KCNJ6: variants seen among roughly 807,000 people sequenced by gnomAD.
KCNJ6 encodes potassium inwardly rectifying channel subfamily J member 6, also known as G protein-activated inward rectifier potassium channel 2.
In KCNJ6, 9 loss-of-function variants were observed where a neutral mutation model predicts 34.2. The observed-to-expected ratio is 0.26, with a 90% CI of 0.16 to 0.46. KCNJ6 has a LOEUF of 0.46. Among genes scored for constraint, KCNJ6 ranks in the 20% least tolerant of loss-of-function variants. KCNJ6 has a pLI of 1.00. For missense variants in KCNJ6, 236 were observed against 531.3 expected, an observed-to-expected ratio of 0.44 and a Z score of 5.46; for synonymous variants, 196 against 207.1, an observed-to-expected ratio of 0.95 and a Z score of 0.46.
intron 2 of KCNJ6, among the ~76,000 whole-genome samples, chr21:37,778,312 A>C (rs1019902542): frequency 1.3e-5 from 2 of 152,042 alleles, no homozygotes; most frequent in African/African-American, 4.8e-5. Flanking sequence ...CCATAACCTG[A>C]CTTTTGAGTC....
At chr21:37,843,462 G>T (rs954276090) in intron 1 of KCNJ6, among the ~76,000 whole-genome samples, 2 of 152,106 alleles carry the variant, frequency 1.3e-5, no homozygotes, top group African/African-American at 4.8e-5. Context: ...TCTATTGGAT[G>T]TCTCTAAACT....
intron 2 of KCNJ6, among the ~76,000 whole-genome samples, chr21:37,744,219 G>GAGTT (rs2054955589): frequency 6.6e-6 from 1 of 150,950 alleles, no homozygotes; most frequent in Non-Finnish European, 1.5e-5. Flanking sequence ...GCTAAATGAC[G>GAGTT]AGTTAATGGG....
intron 3 of KCNJ6, among the ~76,000 whole-genome samples, chr21:37,694,635 C>T (rs2054656039): frequency 6.6e-6 from 1 of 152,118 alleles, no homozygotes; most frequent in Non-Finnish European, 1.5e-5. Flanking sequence ...AACATTGTGT[C>T]CCTTTATTAT....
At chr21:37,896,887 A>AG (rs774108389) in intron 1 of KCNJ6, among the ~76,000 whole-genome samples, 2 of 152,224 alleles carry the variant, frequency 1.3e-5, no homozygotes, top group Admixed American at 6.5e-5. Flanking sequence ...GGTTTGCTTC[A>AG]GAAAAGGCAC....
intron 1 of KCNJ6, among the ~76,000 whole-genome samples, chr21:37,856,038 C>T (rs2055563525): frequency 1.3e-5 from 2 of 152,130 alleles, no homozygotes; most frequent in African/African-American, 2.4e-5. Context: ...TTTCCCAAGG[C>T]TTTATCCTCC....
intron 2 of KCNJ6, among the ~76,000 whole-genome samples, chr21:37,819,215 T>C (rs2055362317): frequency 6.6e-6 from 1 of 151,052 alleles, no homozygotes; most frequent in Non-Finnish European, 1.5e-5. Context: ...CTCTTTCAAC[T>C]TGATGAACTG....
At chr21:37,629,635 C>G (rs2054325389) in intron 3 of KCNJ6, among the ~76,000 whole-genome samples, 1 of 152,134 alleles carries the variant, frequency 6.6e-6, no homozygotes, top group Non-Finnish European at 1.5e-5. Flanking sequence ...GGAGAGGGGT[C>G]TCAGAAGAAC....
chr21:37,704,968 TCA>T (rs912640017), intron 3 of KCNJ6, among the ~76,000 whole-genome samples: 7 of 152,182 alleles, frequency 4.6e-5, no homozygotes, highest in African/African-American at 1.4e-4. Flanking sequence ...ACTGGCACAG[TCA>T]CCTGATAACA....
chr21:37,766,863 C>T (rs564074315), intron 2 of KCNJ6, among the ~76,000 whole-genome samples: 10 of 152,268 alleles, frequency 6.6e-5, no homozygotes, highest in East Asian at 5.8e-4. Context: ...TACAGAAGCA[C>T]GAACCCTACT....
At chr21:37,758,064 G>T (rs2055040209) in intron 2 of KCNJ6, among the ~76,000 whole-genome samples, 2 of 152,168 alleles carry the variant, frequency 1.3e-5, no homozygotes, top group Non-Finnish European at 2.9e-5. Flanking sequence ...GGAGACCCTG[G>T]GCCTGGTTTA....
At chr21:37,793,260 A>G (rs1451944947) in intron 2 of KCNJ6, among the ~76,000 whole-genome samples, 1 of 152,174 alleles carries the variant, frequency 6.6e-6, no homozygotes, top group Non-Finnish European at 1.5e-5. Context: ...TCATTTACAT[A>G]TGGAGGAATG....
chr21:37,896,582 T>C (rs2055789502), intron 1 of KCNJ6, among the ~76,000 whole-genome samples: 1 of 152,178 alleles, frequency 6.6e-6, no homozygotes, highest in African/African-American at 2.4e-5. Context: ...CCACTTTTCT[T>C]GGGTCTCCAG....
chr21:37,703,372 G>A (rs888516554), intron 3 of KCNJ6, among the ~76,000 whole-genome samples: 2 of 152,128 alleles, frequency 1.3e-5, no homozygotes, highest in Non-Finnish European at 2.9e-5. Flanking sequence ...GCCCAGGTAT[G>A]TGGTGGAAAT....
At chr21:37,815,044 A>G (rs2055340249) in intron 2 of KCNJ6, among the ~76,000 whole-genome samples, 2 of 152,088 alleles carry the variant, frequency 1.3e-5, no homozygotes, top group African/African-American at 2.4e-5. Flanking sequence ...GTTCTCACTT[A>G]TTTTTGGGAT....
intron 2 of KCNJ6, among the ~76,000 whole-genome samples, chr21:37,803,907 C>T (rs1161543447): frequency 6.6e-6 from 1 of 152,222 alleles, no homozygotes; most frequent in Admixed American, 6.5e-5. Flanking sequence ...ACAGAAGGGG[C>T]GTCCTTTTGG....
intron 1 of KCNJ6, among the ~76,000 whole-genome samples, chr21:37,881,538 T>C (rs534330037): frequency 5.9e-5 from 9 of 152,208 alleles, no homozygotes; most frequent in Admixed American, 4.6e-4. Flanking sequence ...GTTATTGTTG[T>C]TTTGAGACAG....
intron 2 of KCNJ6, among the ~76,000 whole-genome samples, chr21:37,733,062 A>G (rs1225629491): frequency 6.6e-6 from 1 of 152,220 alleles, no homozygotes; most frequent in African/African-American, 2.4e-5. Flanking sequence ...CCTTTAATGC[A>G]CACTCTATAG....
At chr21:37,895,429 C>A (rs934152693) in intron 1 of KCNJ6, among the ~76,000 whole-genome samples, 10 of 152,166 alleles carry the variant, frequency 6.6e-5, no homozygotes, top group Non-Finnish European at 1.2e-4. Flanking sequence ...TGAATAGAAC[C>A]AGCTTTGTTT....
chr21:37,632,171 G>C (rs1239875064), intron 3 of KCNJ6, among the ~76,000 whole-genome samples: 1 of 152,000 alleles, frequency 6.6e-6, no homozygotes. Context: ...AGGATTTCCA[G>C]ATTCTGTGTA....
Sources: gnomAD v4.1 joint callset for allele counts (sites outside exome capture counted in the v4.1 genomes callset) on GRCh38, gnomAD v4.1.1 for gene constraint, MANE v1.5 for transcripts, NCBI Gene and HGNC (gene_info 2026-07-23, HGNC 2026-07-21) for gene names.